The following SCAF8 variants were observed in gnomAD, a reference collection of about 807,000 sequenced individuals.
SCAF8 encodes SR-related CTD associated factor 8.
SCAF8 carries 23 observed loss-of-function variants against 140.5 expected under a neutral mutation model. The ratio of observed to expected loss-of-function variants is 0.16; its 90% CI spans 0.12 to 0.23. The LOEUF (loss-of-function observed/expected upper bound fraction) is 0.23, where lower values mean the gene tolerates loss of function less well. Among genes scored for constraint, SCAF8 ranks in the 10% least tolerant of loss-of-function variants. SCAF8 has a pLI of 1.00. For synonymous variants in SCAF8, 575 were observed against 528.9 expected (o/e 1.09, Z -1.20); for missense variants, 1,397 against 1,555.7 (o/e 0.90, Z 1.72).
chr6:154,737,595 A>C (rs953717252), intron 1 of SCAF8, among the ~76,000 whole-genome samples: 1 of 151,952 alleles, frequency 6.6e-6, no homozygotes, highest in African/African-American at 2.4e-5. Flanking sequence ...GGTGTAAAGG[A>C]GGGGGCAGGT....
At chr6:154,804,662 A>C (rs968084934) in intron 8 of SCAF8, among the ~76,000 whole-genome samples, 2 of 152,168 alleles carry the variant, frequency 1.3e-5, no homozygotes, top group Non-Finnish European at 2.9e-5. Flanking sequence ...GACAGGTATC[A>C]TTCTTCCCCT....
At chr6:154,735,070 G>A (rs919267877) in intron 1 of SCAF8, among the ~76,000 whole-genome samples, 5 of 150,560 alleles carry the variant, frequency 3.3e-5, no homozygotes, top group Non-Finnish European at 7.4e-5. Flanking sequence ...GTTGCAGTGA[G>A]CCGAGATCTG....
chr6:154,807,289 T>G (rs565577278), intron 9 of SCAF8, among the ~76,000 whole-genome samples: 1 of 152,290 alleles, frequency 6.6e-6, no homozygotes, highest in South Asian at 2.1e-4. Flanking sequence ...TTCCAAAATT[T>G]CACAGCTTAG....
chr6:154,812,199 T>TTTA (rs1554263070), intron 12 of SCAF8, among the ~76,000 whole-genome samples: 1 of 125,408 alleles, frequency 8.0e-6, no homozygotes, highest in Non-Finnish European at 1.6e-5. Context: ...TTTTTTTTTT[T>TTTA]AAATAGGTTG....
At chr6:154,751,794 T>C (rs1448782101) in intron 1 of SCAF8, among the ~76,000 whole-genome samples, 1 of 152,160 alleles carries the variant, frequency 6.6e-6, no homozygotes, top group African/African-American at 2.4e-5. Context: ...AATAGATTAT[T>C]AATATTTCAT....
intron 6 of SCAF8, among the ~76,000 whole-genome samples, chr6:154,801,330 T>C (rs1161701623): frequency 6.6e-6 from 1 of 151,470 alleles, no homozygotes; most frequent in African/African-American, 2.4e-5. Flanking sequence ...TTTTCTCTTT[T>C]AAACTAATAA....
intron 1 of SCAF8, among the ~76,000 whole-genome samples, chr6:154,742,651 A>G (rs909177038): frequency 2.6e-5 from 4 of 152,182 alleles, no homozygotes; most frequent in African/African-American, 9.7e-5. Context: ...AGAGTTTCTG[A>G]TACAGCCATC....
At position 154,831,567 on chromosome 6, in the gene SCAF8, A is replaced by G. The variant is rs77167793; in HGVS notation, c.2360-372A>G. Among the ~76,000 whole-genome samples, 1,474 of 152,076 alleles carry G rather than the reference A, an allele frequency of 9.7e-3. 28 individuals are homozygous for G. The highest frequency in any genetic ancestry group is 0.034 in the African/African-American group (1,393 of 41,474). ...TTTGAAAGCAGTAAGTCCTTTTTCT[A>G]TGGTCCCACTGTTGGTACATTAAGA... On this transcript the variant is annotated intron_variant, in intron 19 of 19. Transcript: ENST00000367178.
intron 18 of SCAF8, among the ~76,000 whole-genome samples, chr6:154,827,599 A>G (rs1175097564): frequency 6.6e-6 from 1 of 152,160 alleles, no homozygotes; most frequent in Non-Finnish European, 1.5e-5. Context: ...TTCATTCTGT[A>G]TATAAGAGCT....
rs372570846 is a variant in SCAF8 at position 154,805,356 on chromosome 6, T to A, written c.864-13T>A. ...GGGTTTTAAAATATGTTTCCACCTG[T>A]TTTTCCTTTTAGTTCTCACGTTTCA... On this transcript the variant is annotated splice_polypyrimidine_tract_variant and intron_variant, in intron 8 of 19. Coordinates refer to ENST00000367178, the MANE Select transcript of SCAF8 (RefSeq NM_014892.5). The A allele has an allele frequency of 6.7e-7, 1 of 1,501,404 alleles. No individual in the cohort carries two copies. The highest frequency in any genetic ancestry group is 1.4e-5 in the African/African-American group (1 of 72,566). 93.0% of individuals were successfully genotyped at this position (1,501,404 alleles called of 1,614,324 possible).
chr6:154,778,912 G>A (rs1776997245), intron 3 of SCAF8, among the ~76,000 whole-genome samples: 1 of 152,064 alleles, frequency 6.6e-6, no homozygotes, highest in African/African-American at 2.4e-5. Flanking sequence ...GTTTAAAAAT[G>A]TTAGTGATTA....
At chr6:154,763,978 C>G (rs1034246157) in intron 1 of SCAF8, among the ~76,000 whole-genome samples, 2 of 152,146 alleles carry the variant, frequency 1.3e-5, no homozygotes, top group Non-Finnish European at 2.9e-5. Flanking sequence ...TTTGCTGATG[C>G]TGGACCTAAT....
chr6:154,752,728 G>A (rs1451445004), intron 1 of SCAF8, among the ~76,000 whole-genome samples: 1 of 152,130 alleles, frequency 6.6e-6, no homozygotes, highest in Non-Finnish European at 1.5e-5. Flanking sequence ...TATTTTGCTT[G>A]TTTGTTTTTT....
intron 1 of SCAF8, among the ~76,000 whole-genome samples, chr6:154,772,341 C>G (rs1776792744): frequency 6.6e-6 from 1 of 152,138 alleles, no homozygotes; most frequent in African/African-American, 2.4e-5. Flanking sequence ...GCCTGATTCC[C>G]TCACACTAAA....
At chr6:154,805,329 G>T (rs763863009) in intron 8 of SCAF8, 40 bp from the exon 9 acceptor site, 5 of 1,181,190 alleles carry the variant, frequency 4.2e-6, no homozygotes, top group African/African-American at 3.0e-5. Flanking sequence ...AGTATCTTTA[G>T]TGGGTTTTAA....
At chr6:154,798,109 A>G (rs1312361441) in intron 6 of SCAF8, among the ~76,000 whole-genome samples, 1 of 151,492 alleles carries the variant, frequency 6.6e-6, no homozygotes, top group African/African-American at 2.4e-5. Context: ...AGTATACAAG[A>G]CGAGCAAGAA....
At position 154,833,265 on chromosome 6, in the gene SCAF8, C is replaced by G; in HGVS notation, c.3686C>G (p.Pro1229Arg). 2 of 1,613,926 alleles carry G rather than the reference C, an allele frequency of 1.2e-6. No homozygotes were observed. The highest frequency in any genetic ancestry group is 2.2e-5 in the South Asian group (2 of 91,068). ...AGACATGCTCAGCCACCACCTATAC[C>G]AGTACAGAATGATCCTGAACTTTAT... ...TERHAQPPPI[P>R]VQNDPELYEK... The change falls in exon 20 of 20, where the codon CCA becomes CGA. Residue 1229 changes from proline (P) to arginine (R), a missense_variant. Pro to Arg is a moderately radical substitution (Grantham distance 103). Coordinates refer to ENST00000367178, the MANE Select transcript of SCAF8 (RefSeq NM_014892.5).
chr6:154,828,959 A>T (rs1470536085), intron 18 of SCAF8, among the ~76,000 whole-genome samples: 1 of 152,182 alleles, frequency 6.6e-6, no homozygotes, highest in African/African-American at 2.4e-5. Context: ...TACTGCCAAC[A>T]AGGCTACCAG....
At position 154,745,174 on chromosome 6, in the gene SCAF8, C is replaced by T. The variant is rs557393640; in HGVS notation, c.30+11244C>T. On this transcript the variant is annotated intron_variant, in intron 1 of 19. Transcript: ENST00000367178. ...GGTTACTCCTCTTCTCTTGTATGACCTTTGAGATGATATTTGATTAAAATA... is the reference window on the plus strand; with the variant it reads ...GGTTACTCCTCTTCTCTTGTATGACTTTTGAGATGATATTTGATTAAAATA... Among the ~76,000 whole-genome samples, 179 of 152,186 alleles carry T rather than the reference C, an allele frequency of 1.2e-3. 2 individuals carry two copies. Among genetic ancestry groups the T allele is most frequent in the African/African-American group, 3.4e-3 (140 of 41,504 alleles).
Sources: gnomAD v4.1 joint callset for allele counts (sites outside exome capture counted in the v4.1 genomes callset) on GRCh38, gnomAD v4.1.1 for gene constraint, MANE v1.5 for transcripts, NCBI Gene and HGNC (gene_info 2026-07-23, HGNC 2026-07-21) for gene names.